The following CERS3 variants were observed in gnomAD, a reference collection of about 807,000 sequenced individuals.
CERS3 encodes LAG1 homolog, ceramide synthase 3.
In CERS3, 33 loss-of-function variants were observed where a neutral mutation model predicts 50.3. That is an observed-to-expected ratio of 0.66 (90% CI 0.50 to 0.88). The LOEUF (loss-of-function observed/expected upper bound fraction) is 0.88. Ranked by LOEUF, CERS3 falls within the 40% of genes least tolerant of loss-of-function variation. CERS3 has a pLI of 0.00. For synonymous variants in CERS3, 176 were observed against 155.2 expected, an observed-to-expected ratio of 1.13 and a Z score of -0.99; for missense variants, 470 against 460.3, an observed-to-expected ratio of 1.02 and a Z score of -0.19.
At chr15:100,454,212 G>T (rs1041139713) in intron 11 of CERS3, among the ~76,000 whole-genome samples, 1 of 151,998 alleles carries the variant, frequency 6.6e-6, no homozygotes, top group Non-Finnish European at 1.5e-5. Context: ...AAAACATAGA[G>T]ACCCCATCTC....
chr15:100,459,142 G>A (rs1312270537), intron 10 of CERS3, among the ~76,000 whole-genome samples: 1 of 152,190 alleles, frequency 6.6e-6, no homozygotes, highest in Non-Finnish European at 1.5e-5. Flanking sequence ...TTGAGCCATA[G>A]CCTGCCAACC....
chr15:100,421,823 A>G (rs1331716184), intron 11 of CERS3, among the ~76,000 whole-genome samples: 1 of 99,104 alleles, frequency 1.0e-5, no homozygotes, highest in Non-Finnish European at 2.2e-5. Flanking sequence ...GAGAAAAACA[A>G]GCAATGGGGA....
chr15:100,475,123 C>A (rs2035086070), intron 8 of CERS3, among the ~76,000 whole-genome samples: 1 of 152,026 alleles, frequency 6.6e-6, no homozygotes, highest in Admixed American at 6.5e-5. Context: ...ATGACTCAAC[C>A]AATTAAATTT....
chr15:100,485,671 C>G (rs2035462149), intron 4 of CERS3, among the ~76,000 whole-genome samples: 1 of 152,068 alleles, frequency 6.6e-6, no homozygotes, highest in Non-Finnish European at 1.5e-5. Flanking sequence ...CGAGATCTGC[C>G]TGGCCAATAT....
intron 11 of CERS3, among the ~76,000 whole-genome samples, chr15:100,451,830 C>T (rs961787603): frequency 6.6e-6 from 1 of 152,014 alleles, no homozygotes; most frequent in African/African-American, 2.4e-5. Flanking sequence ...AACACCTATA[C>T]TTATATCAGA....
chr15:100,412,066 C>G (rs2031533449), intron 11 of CERS3, among the ~76,000 whole-genome samples: 1 of 152,046 alleles, frequency 6.6e-6, no homozygotes, highest in Non-Finnish European at 1.5e-5. Flanking sequence ...TGTGGGTTAC[C>G]TTTAACTCTG....
At chr15:100,440,869 C>G (rs2033648212) in intron 11 of CERS3, among the ~76,000 whole-genome samples, 1 of 152,188 alleles carries the variant, frequency 6.6e-6, no homozygotes, top group Non-Finnish European at 1.5e-5. Flanking sequence ...ATTTCAATTC[C>G]TTTCATTTTC....
At chr15:100,437,255 G>A (rs1327642827) in intron 11 of CERS3, among the ~76,000 whole-genome samples, 1 of 152,036 alleles carries the variant, frequency 6.6e-6, no homozygotes, top group Non-Finnish European at 1.5e-5. Context: ...TACATTGACA[G>A]CATTTCTAAC....
chr15:100,429,798 A>G (rs968279389), intron 11 of CERS3, among the ~76,000 whole-genome samples: 7 of 152,220 alleles, frequency 4.6e-5, no homozygotes, highest in African/African-American at 1.7e-4. Context: ...CGTATTGTAC[A>G]ATATGTGTAA....
At chr15:100,476,412 A>G (rs73472051) in intron 7 of CERS3, among the ~76,000 whole-genome samples, 3,445 of 152,306 alleles carry the variant, frequency 0.023, 137 homozygotes, top group African/African-American at 0.079. Context: ...TTTTGTTTAA[A>G]AAATTAAATA....
At chr15:100,480,115 G>T in intron 5 of CERS3, 69 bp from the exon 6 acceptor site, 2 of 1,163,052 alleles carry the variant, frequency 1.7e-6, no homozygotes, top group Non-Finnish European at 2.5e-6. Flanking sequence ...AAATGATTAG[G>T]TATGGCAGAT....
intron 1 of CERS3, among the ~76,000 whole-genome samples, chr15:100,525,355 C>T (rs185214651): frequency 6.6e-6 from 1 of 152,124 alleles, no homozygotes; most frequent in African/African-American, 2.4e-5. Flanking sequence ...AACCAGAACC[C>T]TTTAATTTTA....
At chr15:100,416,726 G>T (rs1175219103) in intron 11 of CERS3, among the ~76,000 whole-genome samples, 1 of 152,126 alleles carries the variant, frequency 6.6e-6, no homozygotes, top group East Asian at 1.9e-4. Flanking sequence ...CTGCTCCCAT[G>T]GTCCAATCAC....
intron 1 of CERS3, among the ~76,000 whole-genome samples, chr15:100,542,487 C>G (rs1366322190): frequency 6.6e-6 from 1 of 152,182 alleles, no homozygotes; most frequent in Admixed American, 6.5e-5. Flanking sequence ...GCATTCCTTA[C>G]AAGTCAGGAA....
intron 11 of CERS3, among the ~76,000 whole-genome samples, chr15:100,442,029 G>A (rs2654593): frequency 0.42 from 63,019 of 151,814 alleles, 13,289 homozygotes; most frequent in East Asian, 0.56. Context: ...CTCACACCCA[G>A]GCCGGCTTAC....
intron 2 of CERS3, among the ~76,000 whole-genome samples, chr15:100,512,572 G>C (rs2036376443): frequency 6.6e-6 from 1 of 152,140 alleles, no homozygotes; most frequent in Non-Finnish European, 1.5e-5. Flanking sequence ...CCTGTGGGGA[G>C]CCTCTTCCTT....
chr15:100,452,268 T>C (rs1037268352), intron 11 of CERS3, among the ~76,000 whole-genome samples: 7 of 152,224 alleles, frequency 4.6e-5, no homozygotes, highest in Non-Finnish European at 1.0e-4. Flanking sequence ...TGAAATTATA[T>C]GTAGTATCTT....
At chr15:100,538,012 G>A (rs1001842066) in intron 1 of CERS3, among the ~76,000 whole-genome samples, 1 of 152,104 alleles carries the variant, frequency 6.6e-6, no homozygotes, top group African/African-American at 2.4e-5. Flanking sequence ...CAAAACAAAG[G>A]GACTACAGGC....
chr15:100,422,477 A>C (rs1483868235), intron 11 of CERS3, among the ~76,000 whole-genome samples: 3 of 16,194 alleles, frequency 1.9e-4, no homozygotes, highest in African/African-American at 6.2e-4. Flanking sequence ...ACACTTTTAC[A>C]CTGTTGGTGG....
Sources: gnomAD v4.1 joint callset for allele counts (sites outside exome capture counted in the v4.1 genomes callset) on GRCh38, gnomAD v4.1.1 for gene constraint, MANE v1.5 for transcripts, NCBI Gene and HGNC (gene_info 2026-07-23, HGNC 2026-07-21) for gene names.